The following CCDC154 variants were observed in gnomAD, a reference collection of about 807,000 sequenced individuals.
The protein encoded by CCDC154 is coiled-coil domain containing 154.
In CCDC154, 91 loss-of-function variants were observed where a neutral mutation model predicts 87.5. The ratio of observed to expected loss-of-function variants is 1.04; its 90% CI spans 0.88 to 1.24. The LOEUF is 1.24. CCDC154 is among the 50% of genes most tolerant of loss of function. The pLI, the probability that CCDC154 is intolerant of heterozygous loss-of-function variation, is 0.00. For synonymous variants in CCDC154, 418 were observed against 400.4 expected (o/e 1.04, Z -0.52); for missense variants, 903 against 879.2 (o/e 1.03, Z -0.34).
At position 1,436,799 on chromosome 16, in the gene CCDC154, A is replaced by G. The variant is rs2038506247; in HGVS notation, c.1303T>C (p.Trp435Arg). 2 of 1,550,482 alleles carry G rather than the reference A, an allele frequency of 1.3e-6. No individual in the cohort carries two copies. The highest frequency in any genetic ancestry group is 1.7e-6 in the Non-Finnish European group (2 of 1,146,918). ...AGGGACTTCCTCTCTGCACCTTCCCATTCGGTCTTTGCCTGGGGTACAGAT... is the reference window on the plus strand; with the variant it reads ...AGGGACTTCCTCTCTGCACCTTCCCGTTCGGTCTTTGCCTGGGGTACAGAT... The part of the protein sequence containing the change: ...GLRLSEAKTE[W>R]EGAERKSLED... Residue 435 changes from tryptophan to arginine, a missense_variant, in exon 12 of 17, where the codon TGG becomes CGG. By Grantham distance (101) the Trp-to-Arg change is moderately radical. Transcript: ENST00000389176.
chr16:1,438,008 C>T (rs1283018876), intron 10 of CCDC154, 42 bp downstream of exon 10: 42 of 1,538,148 alleles, frequency 2.7e-5, no homozygotes, highest in South Asian at 7.2e-5. Flanking sequence ...ATCCCGTGTG[C>T]GTGGGAGACC....
At chr16:1,441,667 G>C (rs1450479540) in intron 6 of CCDC154, among the ~76,000 whole-genome samples, 1 of 152,212 alleles carries the variant, frequency 6.6e-6, no homozygotes, top group Admixed American at 6.5e-5. Flanking sequence ...GCGATCTGTG[G>C]ACCCGGGCAG....
chr16:1,443,478 TCG>T, intron 3 of CCDC154, 26 bp downstream of exon 3: 1 of 1,444,862 alleles, frequency 6.9e-7, no homozygotes, highest in Non-Finnish European at 9.0e-7. Flanking sequence ...AAGGGGCAGC[TCG>T]ACCTGTGGGT....
At chr16:1,436,852 G>A (rs529923145) in intron 11 of CCDC154, 41 bp from the exon 12 acceptor site, 6 of 1,548,726 alleles carry the variant, frequency 3.9e-6, no homozygotes, top group South Asian at 2.4e-5. Context: ...GCCAAGAGAG[G>A]GGGGACAGAC....
rs1401101174 is a variant in CCDC154 at position 1,434,649 on chromosome 16, C to T, written c.1877+19G>A. On this transcript the variant is annotated intron_variant, in intron 16 of 16. Transcript: ENST00000389176. ...GGCCCAAAGGCCCAGGAGGCCGCGC[C>T]GGGATCCCTGCTGCCCACCTCACAG... 1.4e-5 allele frequency: 21 copies of T among 1,543,030 alleles called. No homozygotes were observed. Among genetic ancestry groups the T allele is most frequent in the African/African-American group, 2.7e-5 (2 of 73,116 alleles).
intron 6 of CCDC154, 78 bp downstream of exon 6, chr16:1,442,328 G>T: frequency 7.0e-7 from 1 of 1,429,858 alleles, no homozygotes; most frequent in Non-Finnish European, 9.3e-7. Context: ...CGCTGTATCG[G>T]ATGGCACAGG....
Position 1,443,153 on chromosome 16 carries a change from C to T in CCDC154, c.455+108G>A, listed in dbSNP as rs183290010. The T allele has an allele frequency of 2.3e-3, 3,307 of 1,415,566 alleles. 6 individuals are homozygous for T. Among genetic ancestry groups the T allele is most frequent in the Non-Finnish European group, 3.0e-3 (3,063 of 1,036,906 alleles). The allele number at this position is 1,415,566 out of a possible 1,614,324, so 87.7% of individuals were successfully genotyped here. On this transcript the variant is annotated intron_variant, in intron 4 of 16. Transcript: ENST00000389176. ...GCTGGACCTGGATGTGTATCCCCCA[C>T]TCCAGCGACACCCAGCGGGAGATGT...
At chr16:1,435,281 G>C in intron 14 of CCDC154, 106 bp from the exon 15 acceptor site, 3 of 967,570 alleles carry the variant, frequency 3.1e-6, no homozygotes, top group East Asian at 5.2e-5. Flanking sequence ...GCTTGGGCAG[G>C]GGCCACCTGC....
intron 14 of CCDC154, 128 bp from the exon 15 acceptor site, chr16:1,435,303 T>G: frequency 2.5e-6 from 2 of 799,780 alleles, no homozygotes; most frequent in Middle Eastern, 2.5e-4. Context: ...GAAATGCTGG[T>G]CCTCGTCCCC....
Position 1,437,951 on chromosome 16 carries a change from G to A in CCDC154, c.1156C>T (p.Arg386Ter), listed in dbSNP as rs763801765. The A allele has an allele frequency of 7.6e-5, 117 of 1,545,898 alleles. No individual in the cohort carries two copies. In the Middle Eastern group the frequency reaches 5.9e-3, roughly 77 times the overall value. The change falls in exon 11 of 17, where the codon CGA becomes TGA. Residue 386 changes from arginine (R) to a stop codon, truncating the protein, a stop_gained. Coordinates refer to ENST00000389176, the MANE Select transcript of CCDC154 (RefSeq NM_001143980.3). LOFTEE classifies it high-confidence loss of function. ...QEMHGELVLL[R>*]EKSRALEASV... ...GCCTCCAGAGCCCGGCTCTTCTCTC[G>A]GAGCTGCAGGGGACAGGTGGGCACG... is the stretch of plus-strand genomic sequence containing the variant.
rs1489643944 is a variant in CCDC154, at chr16:1,436,109, C to T, written c.1488-23G>A. 25 of 1,543,162 alleles carry T rather than the reference C, an allele frequency of 1.6e-5. No homozygotes were observed. The Admixed American group carries it at 4.9e-4, about 30-fold the overall frequency. ...TCCCTATGGGCACCAGAGGCCGAGG[C>T]TGGCTGTCGGGTGTGCTCGGGGGTA... On this transcript the variant is annotated intron_variant, in intron 13 of 16. Coordinates refer to ENST00000389176, the MANE Select transcript of CCDC154 (RefSeq NM_001143980.3).
Position 1,435,072 on chromosome 16 carries a change from G to C in CCDC154, c.1692+17C>G. Reference sequence around the variant, plus strand: ...GGGTGGGAGCTGGGCGGTGCCGGCCGGGCAAGGCCTCCTCACCAGCCGGGC... The same window carrying C: ...GGGTGGGAGCTGGGCGGTGCCGGCCCGGCAAGGCCTCCTCACCAGCCGGGC... On this transcript the variant is annotated intron_variant, in intron 15 of 16. Transcript: ENST00000389176. The C allele has an allele frequency of 6.5e-7, 1 of 1,546,862 alleles. No homozygotes were observed. The highest frequency in any genetic ancestry group is 8.7e-7 in the Non-Finnish European group (1 of 1,145,200).
chr16:1,443,687 T>G lies in CCDC154; in HGVS notation c.233A>C (p.Glu78Ala). The change falls in exon 3 of 17, where the codon GAG (glutamate) becomes GCG (alanine). Residue 78 changes from glutamate (E) to alanine (A), a missense_variant. By Grantham distance (107) the Glu-to-Ala change is moderately radical. Transcript: ENST00000389176. ...HWNQLEQWVVELQAEVACLRE... is the reference protein window; with the variant it reads ...HWNQLEQWVVALQAEVACLRE... Reference sequence around the variant, plus strand: ...CAGGCAGGCCACCTCGGCCTGCAGCTCCACCACCCTGGCCGGGGCGAGAGT... The same window carrying G: ...CAGGCAGGCCACCTCGGCCTGCAGCGCCACCACCCTGGCCGGGGCGAGAGT... 1 of 1,290,876 alleles carries G rather than the reference T, an allele frequency of 7.7e-7. No homozygotes were observed. Among genetic ancestry groups the G allele is most frequent in the Non-Finnish European group, 1.0e-6 (1 of 994,424 alleles). The allele number at this position is 1,290,876 out of a possible 1,614,324, so 80.0% of individuals were successfully genotyped here. A position where few individuals can be genotyped will look rare whatever the true frequency, so the allele number is the denominator to read the frequency against.
intron 6 of CCDC154, 189 bp from the exon 7 acceptor site, chr16:1,439,315 G>A (rs990062097): frequency 6.3e-5 from 38 of 599,488 alleles, no homozygotes; most frequent in South Asian, 3.7e-4. Context: ...GTACCCAGAC[G>A]ACCAACCAGG....
intron 15 of CCDC154, 110 bp from the exon 16 acceptor site, chr16:1,434,962 A>G: frequency 7.1e-7 from 1 of 1,411,128 alleles, no homozygotes; most frequent in African/African-American, 1.4e-5. Context: ...TCTTCAGGGA[A>G]ACCCTGCCCA....
Position 1,444,435 on chromosome 16 carries a change from C to T in CCDC154, c.-113G>A, listed in dbSNP as rs1278673418. On this transcript the variant is annotated 5_prime_UTR_variant, in exon 1 of 17. Coordinates refer to ENST00000389176, the MANE Select transcript of CCDC154 (RefSeq NM_001143980.3). ...GGGGGGTCAGGAGCCAGAGGAAGTC[C>T]CGTGAGAGCTCTGGGCCTTGAGGGA... 1 of 1,107,562 alleles carries T rather than the reference C, an allele frequency of 9.0e-7. No homozygotes were observed. The highest frequency in any genetic ancestry group is 1.6e-5 in the African/African-American group (1 of 61,244). The allele number at this position is 1,107,562 out of a possible 1,614,324, so 68.6% of individuals were successfully genotyped here. A position where few individuals can be genotyped will look rare whatever the true frequency, so the allele number is the denominator to read the frequency against.
Position 1,438,057 on chromosome 16 carries a change from A to T in CCDC154, c.1145T>A (p.Leu382Gln), listed in dbSNP as rs1333119561. 6.5e-7 allele frequency: 1 copy of T among 1,547,902 alleles called. No individual in the cohort carries two copies. The highest frequency in any genetic ancestry group is 8.7e-7 in the Non-Finnish European group (1 of 1,145,568). ...ELARQEMHGE[L>Q]VLLREKSRAL... Reference sequence around the variant, plus strand: ...GTTGCGCTACCCCCTCACCAGCACCAGCTCTCCATGCATCTCCTGCCGGGC... The same window carrying T: ...GTTGCGCTACCCCCTCACCAGCACCTGCTCTCCATGCATCTCCTGCCGGGC... Residue 382 changes from leucine (L) to glutamine (Q), a missense_variant, in exon 10 of 17, where the codon CTG becomes CAG. Leu to Gln is a moderately radical substitution (Grantham distance 113, BLOSUM62 -2). Transcript: ENST00000389176.
In CCDC154 at chr16:1,442,496, C is replaced by T; in HGVS notation, c.585G>A (p.Glu195=). The change falls in exon 6 of 17, where the codon GAG becomes GAA. Residue 195 remains glutamate, a synonymous_variant. Transcript: ENST00000389176. ...LAKLTDLLQQ[E]EQGREVACGA... is the part of the protein sequence containing the mutation. ...CGCAGGCCACCTCCCGGCCCTGCTC[C>T]TCCTGCTGCAGCAAGTCGGTCAGCT... 6.5e-7 allele frequency: 1 copy of T among 1,549,382 alleles called. No homozygotes were observed. Among genetic ancestry groups the T allele is most frequent in the Non-Finnish European group, 8.7e-7 (1 of 1,146,522 alleles).
rs907831646 is a variant in CCDC154, at chr16:1,443,833, G to A, written c.187C>T (p.Gln63Ter). The A allele has an allele frequency of 7.7e-7, 1 of 1,304,462 alleles. No homozygotes were observed. Among genetic ancestry groups the A allele is most frequent in the South Asian group, 1.2e-5 (1 of 81,036 alleles). The allele number at this position is 1,304,462 out of a possible 1,614,324, so 80.8% of individuals were successfully genotyped here. Reference protein sequence around the residue: ...HPTSTASVPEQDTAKHWNQLE... With the variant: ...HPTSTASVPE ...TGGTTCCAGTGCTTGGCGGTGTCCT[G>A]CTCGGGGACAGAGGCCGTGGATGTC... Residue 63 changes from glutamine (Q) to a stop codon, truncating the protein, a stop_gained, in exon 2 of 17, where the codon CAG (glutamine) becomes TAG (stop). Coordinates refer to ENST00000389176, the MANE Select transcript of CCDC154 (RefSeq NM_001143980.3). LOFTEE classifies it high-confidence loss of function.
Sources: gnomAD v4.1 joint callset for allele counts (sites outside exome capture counted in the v4.1 genomes callset) on GRCh38, gnomAD v4.1.1 for gene constraint, MANE v1.5 for transcripts, NCBI Gene and HGNC (gene_info 2026-07-23, HGNC 2026-07-21) for gene names.